Variants in RNGTT observed in about 807,000 individuals in gnomAD.
RNGTT encodes mRNA-capping enzyme.
In RNGTT, 33 loss-of-function variants were observed where a neutral mutation model predicts 79.3. The observed-to-expected ratio is 0.42, with a 90% CI of 0.32 to 0.56. The LOEUF is 0.56. Ranked by LOEUF, RNGTT falls within the 20% of genes least tolerant of loss-of-function variation. RNGTT has a pLI of 0.17. For synonymous variants in RNGTT, 222 were observed against 235.9 expected (o/e 0.94, Z 0.54); for missense variants, 497 against 739.1 (o/e 0.67, Z 3.80).
intron 1 of RNGTT, among the ~76,000 whole-genome samples, chr6:88,944,864 T>C (rs768866954): frequency 6.6e-6 from 1 of 152,178 alleles, no homozygotes; most frequent in African/African-American, 2.4e-5. Context: ...TGTGACTACA[T>C]TCCTCAAAGG....
At chr6:88,654,426 T>C (rs931044925) in intron 14 of RNGTT, among the ~76,000 whole-genome samples, 1 of 152,206 alleles carries the variant, frequency 6.6e-6, no homozygotes, top group Non-Finnish European at 1.5e-5. Context: ...AAGGAAGATC[T>C]TACCTTTATT....
chr6:88,816,625 C>T (rs769268021), intron 11 of RNGTT, among the ~76,000 whole-genome samples: 1 of 152,126 alleles, frequency 6.6e-6, no homozygotes, highest in Admixed American at 6.5e-5. Flanking sequence ...AAACCAATAA[C>T]ACCACCAATT....
At chr6:88,844,336 T>G (rs777026037) in intron 11 of RNGTT, 21 bp downstream of exon 11, 41 of 1,586,914 alleles carry the variant, frequency 2.6e-5, no homozygotes, top group Non-Finnish European at 3.5e-5. Flanking sequence ...AGCACTAATT[T>G]AAAAAAAAAT....
At position 88,807,404 on chromosome 6, in the gene RNGTT, A is replaced by C. The variant is rs115503814; in HGVS notation, c.1270-5772T>G. 6.7e-3 allele frequency among the ~76,000 whole-genome samples: 1,017 copies of C among 152,338 alleles called. 15 individuals are homozygous for C. Among genetic ancestry groups the C allele is most frequent in the African/African-American group, 0.023 (966 of 41,582 alleles). On this transcript the variant is annotated intron_variant, in intron 11 of 15. Coordinates refer to ENST00000369485, the MANE Select transcript of RNGTT (RefSeq NM_003800.5). ...AATAAAAACACACAACATCAGAGAA[A>C]AAGAATGTTAATCAGTGGGAATGAT...
Position 88,609,996 on chromosome 6 carries a change from G to T in RNGTT, c.*2723C>A, listed in dbSNP as rs991875579. Among the ~76,000 whole-genome samples, 1 of 152,060 alleles carries T rather than the reference G, an allele frequency of 6.6e-6. No homozygotes were observed. The highest frequency in any genetic ancestry group is 1.5e-5 in the Non-Finnish European group (1 of 68,034). ...ATCTACTCATACAGTAGACTGCTAA[G>T]ATTAGATGAAGAGAAATAATATAAA... On this transcript the variant is annotated 3_prime_UTR_variant, in exon 16 of 16. Transcript: ENST00000369485.
chr6:88,887,110 G>A (rs936505598), intron 8 of RNGTT, among the ~76,000 whole-genome samples: 2 of 149,718 alleles, frequency 1.3e-5, no homozygotes, highest in African/African-American at 4.9e-5. Context: ...CTCAGGCCTT[G>A]GTCAGGCTAA....
intron 11 of RNGTT, among the ~76,000 whole-genome samples, chr6:88,833,954 G>A (rs1780971797): frequency 6.6e-6 from 1 of 152,210 alleles, no homozygotes; most frequent in Admixed American, 6.5e-5. Context: ...CCAGGAGGCA[G>A]AAGTTGCAGT....
At chr6:88,728,053 G>C (rs372249164) in intron 13 of RNGTT, among the ~76,000 whole-genome samples, 1 of 152,140 alleles carries the variant, frequency 6.6e-6, no homozygotes, top group African/African-American at 2.4e-5. Context: ...CATCACACCC[G>C]AGTCAAGAAA....
chr6:88,716,774 A>C (rs1776530322), intron 13 of RNGTT, among the ~76,000 whole-genome samples: 1 of 152,296 alleles, frequency 6.6e-6, no homozygotes, highest in Admixed American at 6.5e-5. Flanking sequence ...CAATGAGAAC[A>C]CATGGACACA....
intron 13 of RNGTT, among the ~76,000 whole-genome samples, chr6:88,688,363 T>C (rs1219448036): frequency 6.6e-6 from 1 of 152,160 alleles, no homozygotes; most frequent in African/African-American, 2.4e-5. Context: ...AAGAAATAAA[T>C]ACAAATATAC....
intron 13 of RNGTT, among the ~76,000 whole-genome samples, chr6:88,686,695 T>C (rs1775290338): frequency 6.6e-6 from 1 of 152,088 alleles, no homozygotes; most frequent in Admixed American, 6.6e-5. Flanking sequence ...TAATAAATAG[T>C]GCAGGGATAA....
At chr6:88,634,642 A>G (rs1158018421) in intron 14 of RNGTT, among the ~76,000 whole-genome samples, 1 of 152,158 alleles carries the variant, frequency 6.6e-6, no homozygotes, top group East Asian at 1.9e-4. Context: ...GACTTAACGA[A>G]TAGCCTACTG....
Position 88,647,701 on chromosome 6 carries a change from T to TAAAAAAAAAAAAAAAAAAAAAAAA in RNGTT, c.1506+30651_1506+30652insTTTTTTTTTTTTTTTTTTTTTTTT, listed in dbSNP as rs746472579. ...CTGGGTGACAGAACCGACACCCTGT[T>TAAAAAAAAAAAAAAAAAAAAAAAA]AAAAAAAAAAAAAAAAGAAGAAGAA... On this transcript the variant is annotated intron_variant, in intron 14 of 15. Transcript: ENST00000369485. 2.3e-3 allele frequency among the ~76,000 whole-genome samples: 227 copies of TAAAAAAAAAAAAAAAAAAAAAAAA among 100,762 alleles called. 4 individuals are homozygous for TAAAAAAAAAAAAAAAAAAAAAAAA. Among genetic ancestry groups the TAAAAAAAAAAAAAAAAAAAAAAAA allele is most frequent in the South Asian group, 6.4e-3 (18 of 2,810 alleles). 66.1% of individuals were successfully genotyped at this position (100,762 alleles called of 152,430 possible).
rs543744614 is a variant in RNGTT, at chr6:88,896,308, A to G, written c.685-4393T>C. Among the ~76,000 whole-genome samples, 8 of 152,326 alleles carry G rather than the reference A, an allele frequency of 5.3e-5. No homozygotes were observed. In the East Asian group the frequency reaches 1.2e-3, roughly 22 times the overall value. ...ACATTACAAGATAACATCCTACTCC[A>G]GCCAAAGTTGATGGGAGCACGAATA... On this transcript the variant is annotated intron_variant, in intron 6 of 15. Transcript: ENST00000369485.
chr6:88,888,957 G>A (rs928072942), intron 8 of RNGTT, among the ~76,000 whole-genome samples: 1 of 152,206 alleles, frequency 6.6e-6, no homozygotes, highest in Non-Finnish European at 1.5e-5. Flanking sequence ...GAACCTGGCA[G>A]GCGGAGGTTG....
chr6:88,647,841 GA>G lies in RNGTT; in HGVS notation c.1506+30511del, dbSNP rs527844005. Among the ~76,000 whole-genome samples the G allele has an allele frequency of 1.7e-3, 261 of 151,700 alleles. 1 individual carries two copies. Among genetic ancestry groups the G allele is most frequent in the Middle Eastern group, 3.4e-3 (1 of 294 alleles). On this transcript the variant is annotated intron_variant, in intron 14 of 15. Coordinates refer to ENST00000369485, the MANE Select transcript of RNGTT (RefSeq NM_003800.5). Reference sequence around the variant, plus strand: ...TTTTTCCTGAATCAAATCCTCTTATGAAAAGTAAGTCTAACAGACTTAGGCT... The same window carrying G: ...TTTTTCCTGAATCAAATCCTCTTATGAAAGTAAGTCTAACAGACTTAGGCT...
intron 1 of RNGTT, 114 bp from the exon 2 acceptor site, chr6:88,941,294 G>A (rs993404416): frequency 3.0e-6 from 2 of 667,178 alleles, no homozygotes; most frequent in South Asian, 1.9e-5. Context: ...TTGAGACCAA[G>A]TGTCGCTCTG....
intron 14 of RNGTT, among the ~76,000 whole-genome samples, chr6:88,677,048 C>T (rs780908526): frequency 1.2e-4 from 18 of 152,108 alleles, no homozygotes; most frequent in Non-Finnish European, 2.5e-4. Flanking sequence ...AGCCATACTA[C>T]TAATGGCAAA....
chr6:88,747,085 A>T (rs1260643958), intron 13 of RNGTT, among the ~76,000 whole-genome samples: 1 of 152,194 alleles, frequency 6.6e-6, no homozygotes, highest in Non-Finnish European at 1.5e-5. Flanking sequence ...CACATGGGTT[A>T]AGGGTCATTA....
Sources: gnomAD v4.1 joint callset for allele counts (sites outside exome capture counted in the v4.1 genomes callset) on GRCh38, gnomAD v4.1.1 for gene constraint, MANE v1.5 for transcripts, NCBI Gene and HGNC (gene_info 2026-07-23, HGNC 2026-07-21) for gene names.